GFM1: variants seen among roughly 807,000 people sequenced by gnomAD.
GFM1 encodes the protein elongation factor G, mitochondrial.
Under a neutral mutation model 96.2 loss-of-function variants are expected in GFM1, and 62 were observed. The ratio of observed to expected loss-of-function variants is 0.64; its 90% confidence interval spans 0.53 to 0.80. The LOEUF (loss-of-function observed/expected upper bound fraction) is 0.80, where lower values mean the gene tolerates loss of function less well. Among genes scored for constraint, GFM1 ranks in the 30% least tolerant of loss-of-function variants. GFM1 has a pLI of 0.00. For synonymous variants in GFM1, 282 were observed against 312.9 expected (o/e 0.90, Z 1.04); for missense variants, 852 against 916.6 (o/e 0.93, Z 0.91).
chr3:158,650,074 C>A, intron 5 of GFM1: 1 of 1,530,146 alleles, frequency 6.5e-7, no homozygotes, highest in Non-Finnish European at 8.8e-7. Flanking sequence ...GGGCGAATGG[C>A]ATTGTGATCA....
chr3:158,661,354 C>G (rs1270055901), intron 10 of GFM1, among the ~76,000 whole-genome samples: 5 of 152,178 alleles, frequency 3.3e-5, no homozygotes, highest in Non-Finnish European at 5.9e-5. Context: ...AAGCTAGTTT[C>G]AGTGGAGTGC....
At chr3:158,651,313 T>G (rs9867378) in intron 5 of GFM1, among the ~76,000 whole-genome samples, 2,455 of 152,248 alleles carry the variant, frequency 0.016, 54 homozygotes, top group African/African-American at 0.057. Flanking sequence ...CTAGAGATTG[T>G]TATGTTGTGA....
rs11405116 is a variant in GFM1, at chr3:158,644,980, GTT to G, written c.81+282_81+283del. On this transcript the variant is annotated intron_variant, in intron 1 of 17. Coordinates refer to ENST00000486715, the MANE Select transcript of GFM1 (RefSeq NM_024996.7). ...TGATATTTTATCCACCTTTTCTAAG[GTT>G]TTTTTTTTTTTTTTTTGCCTCTCTT... 0.35 allele frequency: 74,024 copies of G among 213,574 alleles called. 8,245 individuals are homozygous for G. The highest frequency in any genetic ancestry group is 0.49 in the African/African-American group (17,782 of 36,432). The allele number at this position is 213,574 out of a possible 1,614,324, so 13.2% of individuals were successfully genotyped here. A position where few individuals can be genotyped will look rare whatever the true frequency, so the allele number is the denominator to read the frequency against.
chr3:158,659,160 A>G lies in GFM1; in HGVS notation c.1221+101A>G, dbSNP rs1194467349. 3 of 1,314,874 alleles carry G rather than the reference A, an allele frequency of 2.3e-6. No individual in the cohort carries two copies. In the African/African-American group the frequency reaches 4.4e-5, roughly 19 times the overall value. The allele number at this position is 1,314,874 out of a possible 1,614,324, so 81.5% of individuals were successfully genotyped here. A position where few individuals can be genotyped will look rare whatever the true frequency, so the allele number is the denominator to read the frequency against. On this transcript the variant is annotated intron_variant, in intron 9 of 17. Transcript: ENST00000486715. The stretch of plus-strand genomic sequence containing the variant: ...CCACTAGAAAATTAATTCTGGTTAA[A>G]TATATGTTTCTAGTTTCTTTCTACT...
In GFM1 at chr3:158,644,906, G is replaced by C. The variant is rs138999949; in HGVS notation, c.81+191G>C. 475 of 619,058 alleles carry C rather than the reference G, an allele frequency of 7.7e-4. 5 individuals are homozygous for C. The East Asian group carries it at 0.012, about 16-fold the overall frequency. The allele number at this position is 619,058 out of a possible 1,614,324, so 38.3% of individuals were successfully genotyped here. A position where few individuals can be genotyped will look rare whatever the true frequency, so the allele number is the denominator to read the frequency against. On this transcript the variant is annotated intron_variant, in intron 1 of 17. Transcript: ENST00000486715. ...CGTTAGCTCGTTTGTTTCGCTCTCT[G>C]GTATCCCTAGGGTTTAATCAACTAA...
chr3:158,646,630 A>G (rs908429929), intron 3 of GFM1, 113 bp from the exon 4 acceptor site: 14 of 964,438 alleles, frequency 1.5e-5, no homozygotes, highest in Non-Finnish European at 2.1e-5. Flanking sequence ...TCAGGAATCT[A>G]CATTCTTATT....
At chr3:158,680,878 A>G (rs144516063) in intron 13 of GFM1, among the ~76,000 whole-genome samples, 3 of 152,306 alleles carry the variant, frequency 2.0e-5, no homozygotes, top group African/African-American at 7.2e-5. Context: ...GTGCTGCCCA[A>G]TAGAACTTGG....
rs115593809 is a variant in GFM1, at chr3:158,691,583, C to G, written c.*116C>G. The G allele has an allele frequency of 1.7e-6, 2 of 1,160,802 alleles. No homozygotes were observed. The highest frequency in any genetic ancestry group is 2.5e-6 in the Non-Finnish European group (2 of 785,844). The allele number at this position is 1,160,802 out of a possible 1,614,324, so 71.9% of individuals were successfully genotyped here. A position where few individuals can be genotyped will look rare whatever the true frequency, so the allele number is the denominator to read the frequency against. On this transcript the variant is annotated 3_prime_UTR_variant, in exon 18 of 18. Coordinates refer to ENST00000486715, the MANE Select transcript of GFM1 (RefSeq NM_024996.7). ...AACAAGAAATTCTGAGCCCAGGAAG[C>G]GGGCTCTTCTTTCTTCAAAAGAAGC...
At chr3:158,655,768 A>G (rs748870611) in intron 8 of GFM1, 2 of 448,116 alleles carry the variant, frequency 4.5e-6, no homozygotes, top group South Asian at 3.2e-5. Context: ...ATATATTATT[A>G]TTAACTAAAA....
chr3:158,661,787 A>C (rs1723218166), intron 10 of GFM1, among the ~76,000 whole-genome samples: 1 of 152,216 alleles, frequency 6.6e-6, no homozygotes, highest in Non-Finnish European at 1.5e-5. Context: ...CAACTCTAAC[A>C]GAATAGCACT....
intron 11 of GFM1, 36 bp from the exon 12 acceptor site, chr3:158,665,301 A>T: frequency 1.3e-6 from 2 of 1,535,614 alleles, no homozygotes; most frequent in Non-Finnish European, 1.8e-6. Flanking sequence ...TATCATGCTC[A>T]GTAAAACATA....
intron 15 of GFM1, among the ~76,000 whole-genome samples, chr3:158,689,896 C>G (rs1200851362): frequency 6.6e-6 from 1 of 152,034 alleles, no homozygotes; most frequent in East Asian, 1.9e-4. Flanking sequence ...TTTTAAGACC[C>G]TTTTGTATTA....
chr3:158,662,331 C>T (rs986599982), intron 10 of GFM1, among the ~76,000 whole-genome samples: 1 of 152,106 alleles, frequency 6.6e-6, no homozygotes, highest in South Asian at 2.1e-4. Context: ...AATTTCACAT[C>T]TCAGTATTTG....
In GFM1 at chr3:158,691,526, T is replaced by A; in HGVS notation, c.*59T>A. ...AATCTGCGTGGTTTTGATACTTTGA[T>A]GGATTCCAGTGGAATAAATTCAGGC... On this transcript the variant is annotated 3_prime_UTR_variant, in exon 18 of 18. Transcript: ENST00000486715. The A allele has an allele frequency of 6.4e-7, 1 of 1,571,206 alleles. No homozygotes were observed. The highest frequency in any genetic ancestry group is 2.2e-5 in the East Asian group (1 of 44,516).
rs773209906 is a variant in GFM1 at position 158,653,462 on chromosome 3, AGAG to A, written c.997_998+1del. On this transcript the variant is annotated inframe_deletion and splice_region_variant, in exon 7 of 18. Coordinates refer to ENST00000486715, the MANE Select transcript of GFM1 (RefSeq NM_024996.7). ...TCCAGAACTATGCTATTCTCAATAA[AGAG>A]GAGTAAGTCTTGAAAATTGAATCTT... 3 of 1,610,754 alleles carry A rather than the reference AGAG, an allele frequency of 1.9e-6. No homozygotes were observed. Among genetic ancestry groups the A allele is most frequent in the Non-Finnish European group, 2.5e-6 (3 of 1,177,232 alleles).
Position 158,644,641 on chromosome 3 carries a change from C to T in GFM1, c.7C>T (p.Leu3Phe), listed in dbSNP as rs868019124. The T allele has an allele frequency of 8.9e-6, 14 of 1,571,112 alleles. No individual in the cohort carries two copies. Among genetic ancestry groups the T allele is most frequent in the South Asian group, 1.2e-5 (1 of 85,460 alleles). The change falls in exon 1 of 18, where the codon CTC becomes TTC. Residue 3 changes from leucine (L) to phenylalanine (F), a missense_variant. Transcript: ENST00000486715. ...CGCGTGCTCTGCGCTTGCCATGAGA[C>T]TCCTGGGAGCTGCAGCCGTCGCGGC... MR[L>F]LGAAAVAALG...
intron 13 of GFM1, among the ~76,000 whole-genome samples, 163 bp from the exon 14 acceptor site, chr3:158,681,832 A>G (rs1725406038): frequency 6.6e-6 from 1 of 152,214 alleles, no homozygotes; most frequent in Non-Finnish European, 1.5e-5. Context: ...CAGAAAACAG[A>G]GGGTTCTTTT....
chr3:158,646,456 C>A (rs1721811056), intron 3 of GFM1, among the ~76,000 whole-genome samples, 159 bp downstream of exon 3: 2 of 152,178 alleles, frequency 1.3e-5, no homozygotes, highest in African/African-American at 4.8e-5. Context: ...AGCACTTCAT[C>A]CTTATGTAGT....
At position 158,693,966 on chromosome 3, in the gene GFM1, A is replaced by G. The variant is rs1726461324; in HGVS notation, c.*2499A>G. On this transcript the variant is annotated 3_prime_UTR_variant, in exon 18 of 18. Transcript: ENST00000486715. ...AATCTGTGAAATTCAGGAGTGTCATATTGTATTCTTTTGTGTGATATTAGA... is the reference window on the plus strand; with the variant it reads ...AATCTGTGAAATTCAGGAGTGTCATGTTGTATTCTTTTGTGTGATATTAGA... 6.6e-6 allele frequency among the ~76,000 whole-genome samples: 1 copy of G among 152,046 alleles called. No individual in the cohort carries two copies. Among genetic ancestry groups the G allele is most frequent in the Non-Finnish European group, 1.5e-5 (1 of 68,006 alleles).
Sources: gnomAD v4.1 joint callset for allele counts (sites outside exome capture counted in the v4.1 genomes callset) on GRCh38, gnomAD v4.1.1 for gene constraint, MANE v1.5 for transcripts, NCBI Gene and HGNC (gene_info 2026-07-23, HGNC 2026-07-21) for gene names.